MPPED1: variants seen among roughly 807,000 people sequenced by gnomAD.
MPPED1 encodes metallophosphoesterase domain containing 1.
In MPPED1, 16 loss-of-function variants were observed where a neutral mutation model predicts 36.2. The ratio of observed to expected loss-of-function variants is 0.44; its 90% CI spans 0.30 to 0.67. The LOEUF is 0.67. Ranked by LOEUF, MPPED1 falls within the 30% of genes least tolerant of loss-of-function variation. The pLI, the probability that MPPED1 is intolerant of heterozygous loss-of-function variation, is 0.10. For missense variants in MPPED1, 307 were observed against 453.4 expected (o/e 0.68, Z 2.93); for synonymous variants, 199 against 191.3 (o/e 1.04, Z -0.33).
chr22:43,485,976 T>C (rs1480133572), intron 4 of MPPED1, among the ~76,000 whole-genome samples: 1 of 152,226 alleles, frequency 6.6e-6, no homozygotes, highest in African/African-American at 2.4e-5. Context: ...GCTGGACCCC[T>C]GCTGTCCATC....
intron 1 of MPPED1, chr22:43,417,061 A>G (rs1929099935): frequency 1.0e-6 from 1 of 970,812 alleles, no homozygotes; most frequent in Middle Eastern, 5.3e-4. Flanking sequence ...ATAATTGGAA[A>G]ATGAAGCGGC....
At chr22:43,492,138 C>G (rs1932125377) in intron 4 of MPPED1, among the ~76,000 whole-genome samples, 2 of 151,942 alleles carry the variant, frequency 1.3e-5, no homozygotes, top group Admixed American at 1.3e-4. Context: ...GTGTACCAGG[C>G]CCGTTTTAAG....
intron 2 of MPPED1, among the ~76,000 whole-genome samples, chr22:43,432,908 A>AAGAG (rs758395241): frequency 0.016 from 276 of 17,648 alleles, 28 homozygotes; most frequent in Non-Finnish European, 0.043. Context: ...GAGAGAGGGA[A>AAGAG]AGAGAAAGGG....
chr22:43,470,191 A>G (rs752834762), intron 3 of MPPED1, among the ~76,000 whole-genome samples: 6 of 151,624 alleles, frequency 4.0e-5, no homozygotes, highest in Non-Finnish European at 8.8e-5. Context: ...CCATCCATAA[A>G]CCATCCATCT....
intron 3 of MPPED1, among the ~76,000 whole-genome samples, chr22:43,467,808 A>T (rs1431554612): frequency 1.3e-5 from 2 of 152,058 alleles, no homozygotes; most frequent in Non-Finnish European, 2.9e-5. Context: ...AGAACGCTAA[A>T]ACTCCACCGG....
chr22:43,430,113 A>G (rs1211573573), intron 2 of MPPED1, among the ~76,000 whole-genome samples: 1 of 152,160 alleles, frequency 6.6e-6, no homozygotes, highest in East Asian at 1.9e-4. Context: ...GTCCTTTCCT[A>G]CTAAAGGAAA....
At position 43,454,753 on chromosome 22, in the gene MPPED1, G is replaced by A. The variant is rs752120973; in HGVS notation, c.406+19538G>A. Among the ~76,000 whole-genome samples the A allele has an allele frequency of 2.6e-4, 39 of 152,270 alleles. No individual in the cohort carries two copies. The East Asian group carries it at 3.3e-3, about 13-fold the overall frequency. ...TTTAGTAGAGATGGGGTTTTGACAC[G>A]TTGCTCAGGCTGGTCTCGAACTCAT... On this transcript the variant is annotated intron_variant, in intron 3 of 6. Coordinates refer to ENST00000443721, the MANE Select transcript of MPPED1 (RefSeq NM_001044370.2).
At chr22:43,493,983 A>G (rs541862916) in intron 4 of MPPED1, among the ~76,000 whole-genome samples, 2 of 152,164 alleles carry the variant, frequency 1.3e-5, no homozygotes, top group South Asian at 2.1e-4. Context: ...CCTCTGCAAG[A>G]TTGGTTCCTT....
chr22:43,497,667 C>T (rs1932463385), intron 4 of MPPED1, among the ~76,000 whole-genome samples: 3 of 151,772 alleles, frequency 2.0e-5, no homozygotes, highest in Admixed American at 2.0e-4. Context: ...CACCTGGCCC[C>T]ACCCTCCCAG....
At chr22:43,435,319 C>T in intron 3 of MPPED1, 104 bp downstream of exon 3, 1 of 1,317,222 alleles carries the variant, frequency 7.6e-7, no homozygotes, top group Non-Finnish European at 1.0e-6. Context: ...GCTGCCCGGG[C>T]CCCCTCCTTG....
intron 4 of MPPED1, among the ~76,000 whole-genome samples, chr22:43,480,469 TC>T (rs1199333956): frequency 6.6e-6 from 1 of 152,216 alleles, no homozygotes; most frequent in Non-Finnish European, 1.5e-5. Flanking sequence ...GCCGAGAATC[TC>T]TTCCCATGTT....
intron 3 of MPPED1, among the ~76,000 whole-genome samples, chr22:43,446,519 G>A (rs1224804453): frequency 6.6e-6 from 1 of 152,226 alleles, no homozygotes; most frequent in Non-Finnish European, 1.5e-5. Context: ...GGCAGAGGCA[G>A]CAACTCTGAG....
chr22:43,469,033 T>C (rs902168116), intron 3 of MPPED1, among the ~76,000 whole-genome samples: 1 of 152,194 alleles, frequency 6.6e-6, no homozygotes, highest in Non-Finnish European at 1.5e-5. Context: ...TTCCCCATGT[T>C]GTGCCCATCT....
At chr22:43,472,328 C>G (rs1274485977) in intron 3 of MPPED1, among the ~76,000 whole-genome samples, 3 of 152,244 alleles carry the variant, frequency 2.0e-5, no homozygotes, top group South Asian at 2.1e-4. Context: ...CCCAGGGAAG[C>G]TCTTTGGTTT....
intron 4 of MPPED1, among the ~76,000 whole-genome samples, chr22:43,487,321 A>C (rs1435320177): frequency 6.6e-6 from 1 of 152,242 alleles, no homozygotes; most frequent in Non-Finnish European, 1.5e-5. Flanking sequence ...AACTAGCACA[A>C]GCAAAACCTG....
Position 43,447,117 on chromosome 22 carries a change from G to A in MPPED1, c.406+11902G>A, listed in dbSNP as rs374871331. The stretch of plus-strand genomic sequence containing the variant: ...GGATGAGAGAGGATGTATGCCAAGC[G>A]TGCAGTCTGGGGCTGTGCCAGGTTC... On this transcript the variant is annotated intron_variant, in intron 3 of 6. Transcript: ENST00000443721. Among the ~76,000 whole-genome samples the A allele has an allele frequency of 8.5e-5, 13 of 152,282 alleles. No individual in the cohort carries two copies. The South Asian group carries it at 1.9e-3, about 22-fold the overall frequency.
chr22:43,420,510 T>C (rs1929231480), intron 1 of MPPED1, among the ~76,000 whole-genome samples: 1 of 152,118 alleles, frequency 6.6e-6, no homozygotes, highest in African/African-American at 2.4e-5. Context: ...GTTCATGTGA[T>C]TCTTCTACCT....
At chr22:43,497,664 C>T (rs1382586600) in intron 4 of MPPED1, among the ~76,000 whole-genome samples, 1 of 151,774 alleles carries the variant, frequency 6.6e-6, no homozygotes, top group African/African-American at 2.4e-5. Flanking sequence ...GTCCACCTGG[C>T]CCCACCCTCC....
intron 3 of MPPED1, among the ~76,000 whole-genome samples, chr22:43,456,379 A>C (rs1930754349): frequency 6.6e-6 from 1 of 152,232 alleles, no homozygotes; most frequent in Non-Finnish European, 1.5e-5. Context: ...CTCCTGCCTC[A>C]GCCTCCCAAA....
Sources: gnomAD v4.1 joint callset for allele counts (sites outside exome capture counted in the v4.1 genomes callset) on GRCh38, gnomAD v4.1.1 for gene constraint, MANE v1.5 for transcripts, NCBI Gene and HGNC (gene_info 2026-07-23, HGNC 2026-07-21) for gene names.